Variants in BCAT1 observed in about 807,000 individuals in gnomAD.
BCAT1 encodes branched chain amino acid transaminase 1, also known as branched-chain-amino-acid aminotransferase, cytosolic.
Under a neutral mutation model 52.4 loss-of-function variants are expected in BCAT1, and 48 were observed. The ratio of observed to expected loss-of-function variants is 0.92; its 90% CI spans 0.73 to 1.16. The LOEUF is 1.16. Among genes scored for constraint, BCAT1 ranks in the 50% most tolerant of loss-of-function variants. The probability of loss-of-function intolerance (pLI) is 0.00; values close to 1 mark genes in which losing one functional copy is unlikely to be tolerated. For missense variants in BCAT1, 451 were observed against 457.1 expected (o/e 0.99, Z 0.12); for synonymous variants, 167 against 161.3 (o/e 1.04, Z -0.27).
rs1939907168 is a variant in BCAT1 at position 24,817,173 on chromosome 12, T to C, written c.*835A>G. On this transcript the variant is annotated 3_prime_UTR_variant, in exon 11 of 11. Transcript: ENST00000261192. Reference sequence around the variant, plus strand: ...ATAAAGACAATATAAGGTAAATCTATACACTGTCAGAATCAATCACAAATT... The same window carrying C: ...ATAAAGACAATATAAGGTAAATCTACACACTGTCAGAATCAATCACAAATT... 1 of 152,232 alleles carries C rather than the reference T, an allele frequency of 6.6e-6. No homozygotes were observed. Among genetic ancestry groups the C allele is most frequent in the South Asian group, 2.1e-4 (1 of 4,824 alleles). The allele number at this position is 152,232 out of a possible 1,614,324, so 9.4% of individuals were successfully genotyped here.
intron 3 of BCAT1, among the ~76,000 whole-genome samples, chr12:24,886,592 A>G (rs958590216): frequency 2.0e-5 from 3 of 152,216 alleles, no homozygotes; most frequent in African/African-American, 7.2e-5. Flanking sequence ...TGACATTGCT[A>G]TTTTATCACA....
At chr12:24,843,786 G>A (rs1362027477) in intron 6 of BCAT1, among the ~76,000 whole-genome samples, 1 of 152,106 alleles carries the variant, frequency 6.6e-6, no homozygotes, top group Admixed American at 6.5e-5. Context: ...TTGCCCTGCT[G>A]CAGCTGAGTT....
intron 1 of BCAT1, chr12:24,902,638 C>T (rs1943138895): frequency 4.3e-6 from 2 of 460,606 alleles, no homozygotes; most frequent in Non-Finnish European, 7.3e-6. Context: ...CCGCCTCCTC[C>T]CTCAGAGCGA....
intron 8 of BCAT1, chr12:24,834,347 C>A (rs11047674): frequency 0.17 from 165,194 of 984,590 alleles, 14,578 homozygotes; most frequent in Middle Eastern, 0.2. Flanking sequence ...GTGGTATAAC[C>A]TCATTGACTT....
At chr12:24,917,192 G>A (rs1591873898) in intron 1 of BCAT1, among the ~76,000 whole-genome samples, 1 of 137,696 alleles carries the variant, frequency 7.3e-6, no homozygotes, top group Non-Finnish European at 1.5e-5. Flanking sequence ...TTAGAGCTTT[G>A]GACTTTTTTT....
intron 10 of BCAT1, among the ~76,000 whole-genome samples, chr12:24,820,467 G>C (rs1321226951): frequency 3.3e-5 from 5 of 152,182 alleles, no homozygotes; most frequent in African/African-American, 1.2e-4. Flanking sequence ...AGTATACATA[G>C]AGGGAGGGAA....
At position 24,829,826 on chromosome 12, in the gene BCAT1, G is replaced by T. The variant is rs1381026506; in HGVS notation, c.1116C>A (p.Ile372=). ...ASRILSKLTD[I]QYGREESDWT... ...GAAAAGAAAAGAAAAGCTTTACCTG[G>T]ATATCAGTTAATTTGCTCAAGATGC... Residue 372 remains isoleucine, a synonymous_variant, in exon 10 of 11, where the codon ATC becomes ATA. Transcript: ENST00000261192. The T allele has an allele frequency of 6.2e-7, 1 of 1,605,728 alleles. No individual in the cohort carries two copies. The highest frequency in any genetic ancestry group is 2.2e-5 in the East Asian group (1 of 44,754).
At position 24,907,002 on chromosome 12, in the gene BCAT1, T is replaced by C. The variant is rs77127252; in HGVS notation, c.7-5117A>G. On this transcript the variant is annotated intron_variant, in intron 1 of 10. Transcript: ENST00000261192. ...CTCTTGGTCAAAAAACCTTCAAGGCTTCACATCACCCATTTGACAAAATGA... is the reference window on the plus strand; with the variant it reads ...CTCTTGGTCAAAAAACCTTCAAGGCCTCACATCACCCATTTGACAAAATGA... Among the ~76,000 whole-genome samples, 889 of 152,322 alleles carry C rather than the reference T, an allele frequency of 5.8e-3. 28 individuals are homozygous for C. The East Asian group carries it at 0.068, about 12-fold the overall frequency.
chr12:24,949,067 AGGC>A lies in BCAT1; in HGVS notation c.-138_-136del. 1 of 856,882 alleles carries A rather than the reference AGGC, an allele frequency of 1.2e-6. No individual in the cohort carries two copies. Among genetic ancestry groups the A allele is most frequent in the Non-Finnish European group, 1.8e-6 (1 of 553,038 alleles). The allele number at this position is 856,882 out of a possible 1,614,324, so 53.1% of individuals were successfully genotyped here. ...GCAGCAAGACCTGGGGCAGTGCCCG[AGGC>A]GGCGGCGAGTACACGTGGCGGGCTG... On this transcript the variant is annotated 5_prime_UTR_variant, in exon 1 of 11. Coordinates refer to ENST00000261192, the MANE Select transcript of BCAT1 (RefSeq NM_005504.7).
chr12:24,947,167 C>CCACACACACACA lies in BCAT1; in HGVS notation c.6+1748_6+1759dup, dbSNP rs57265449. The stretch of plus-strand genomic sequence containing the variant: ...CCCCACTAGGCCTCCCGTCTTCCCT[C>CCACACACACACA]CACACACACACACACACACACACAC... On this transcript the variant is annotated intron_variant, in intron 1 of 10. Coordinates refer to ENST00000261192, the MANE Select transcript of BCAT1 (RefSeq NM_005504.7). Among the ~76,000 whole-genome samples, 15 of 141,244 alleles carry CCACACACACACA rather than the reference C, an allele frequency of 1.1e-4. No homozygotes were observed. In the South Asian group the frequency reaches 1.4e-3, roughly 13 times the overall value. 92.7% of individuals were successfully genotyped at this position (141,244 alleles called of 152,430 possible).
Position 24,849,823 on chromosome 12 carries a change from C to T in BCAT1, c.637G>A (p.Ala213Thr), listed in dbSNP as rs756333156. The change falls in exon 6 of 11, where the codon GCC becomes ACC. Residue 213 changes from alanine (A) to threonine (T), a missense_variant. Physicochemically the swap from Ala to Thr is moderately conservative, Grantham distance 58. Coordinates refer to ENST00000261192, the MANE Select transcript of BCAT1 (RefSeq NM_005504.7). ...SLWANPKYVRAWKGGTGDCKM... is the reference protein window; with the variant it reads ...SLWANPKYVRTWKGGTGDCKM... ...CAGTCCCCAGTTCCACCTTTCCAGGCTCTTACATACTTGGGATTGGCCCAC... is the reference window on the plus strand; with the variant it reads ...CAGTCCCCAGTTCCACCTTTCCAGGTTCTTACATACTTGGGATTGGCCCAC... 9 of 1,613,512 alleles carry T rather than the reference C, an allele frequency of 5.6e-6. No individual in the cohort carries two copies. Among genetic ancestry groups the T allele is most frequent in the Non-Finnish European group, 7.6e-6 (9 of 1,179,564 alleles).
rs1178549400 is a variant in BCAT1, at chr12:24,815,661, G to A, written c.*2347C>T. ...ATTACTTAAATGACAATGGTGGATT[G>A]TGTTCTCCTTATCAGGAGACCTCCA... On this transcript the variant is annotated 3_prime_UTR_variant, in exon 11 of 11. Transcript: ENST00000261192. The A allele has an allele frequency of 6.6e-6, 1 of 152,146 alleles. No homozygotes were observed. The highest frequency in any genetic ancestry group is 1.5e-5 in the Non-Finnish European group (1 of 68,016). 9.4% of individuals were successfully genotyped at this position (152,146 alleles called of 1,614,324 possible).
Position 24,812,123 on chromosome 12 carries a change from A to T in BCAT1, c.*5885T>A, listed in dbSNP as rs1939706377. ...ATCTGCACTCTTCAAAAACTTATTG[A>T]TGAAGTACAAATTGAGGCAGAAATT... On this transcript the variant is annotated 3_prime_UTR_variant, in exon 11 of 11. Coordinates refer to ENST00000261192, the MANE Select transcript of BCAT1 (RefSeq NM_005504.7). 6.6e-6 allele frequency: 1 copy of T among 152,124 alleles called. No individual in the cohort carries two copies. The highest frequency in any genetic ancestry group is 2.1e-4 in the South Asian group (1 of 4,836). The allele number at this position is 152,124 out of a possible 1,614,324, so 9.4% of individuals were successfully genotyped here. A position where few individuals can be genotyped will look rare whatever the true frequency, so the allele number is the denominator to read the frequency against.
chr12:24,915,009 A>ATCCCACAAAGATATTATTAT (rs1943386699), intron 1 of BCAT1, among the ~76,000 whole-genome samples: 2 of 152,190 alleles, frequency 1.3e-5, no homozygotes, highest in Non-Finnish European at 2.9e-5. Flanking sequence ...CCCAACTTTT[A>ATCCCACAAAGATATTATTAT]CCCACAAAGA....
chr12:24,894,537 T>C lies in BCAT1; in HGVS notation c.79-62A>G, dbSNP rs991342333. 1.6e-5 allele frequency: 21 copies of C among 1,335,248 alleles called. No homozygotes were observed. The African/African-American group carries it at 2.6e-4, about 16-fold the overall frequency. The allele number at this position is 1,335,248 out of a possible 1,614,324, so 82.7% of individuals were successfully genotyped here. Reference sequence around the variant, plus strand: ...TACTGAGCATTCGCTGGCTAGATTATACAGAGGGGAAAAAAAAAAAGGAAA... The same window carrying C: ...TACTGAGCATTCGCTGGCTAGATTACACAGAGGGGAAAAAAAAAAAGGAAA... On this transcript the variant is annotated intron_variant, in intron 2 of 10. Coordinates refer to ENST00000261192, the MANE Select transcript of BCAT1 (RefSeq NM_005504.7).
chr12:24,811,231 T>C lies in BCAT1; in HGVS notation c.*6777A>G, dbSNP rs1440801163. Reference sequence around the variant, plus strand: ...TTTCTGGTGTGCTCAATTCTCTCTGTGTCATTTTGGTGTAAAAATACTATC... The same window carrying C: ...TTTCTGGTGTGCTCAATTCTCTCTGCGTCATTTTGGTGTAAAAATACTATC... On this transcript the variant is annotated 3_prime_UTR_variant, in exon 11 of 11. Transcript: ENST00000261192. 2 of 152,196 alleles carry C rather than the reference T, an allele frequency of 1.3e-5. No homozygotes were observed. Among genetic ancestry groups the C allele is most frequent in the African/African-American group, 4.8e-5 (2 of 41,460 alleles). The allele number at this position is 152,196 out of a possible 1,614,324, so 9.4% of individuals were successfully genotyped here.
At chr12:24,862,246 T>A (rs181893045) in intron 5 of BCAT1, among the ~76,000 whole-genome samples, 12 of 152,334 alleles carry the variant, frequency 7.9e-5, no homozygotes, top group African/African-American at 2.9e-4. Flanking sequence ...AATTCTTTCT[T>A]GTGTGAGATC....
intron 10 of BCAT1, among the ~76,000 whole-genome samples, chr12:24,819,809 T>A (rs1940040894): frequency 6.6e-6 from 1 of 152,156 alleles, no homozygotes; most frequent in Admixed American, 6.5e-5. Flanking sequence ...TGACTGTAAG[T>A]TTCTTGCATA....
intron 1 of BCAT1, among the ~76,000 whole-genome samples, chr12:24,946,583 TAGTC>T (rs1249025189): frequency 5.3e-5 from 8 of 152,232 alleles, no homozygotes; most frequent in African/African-American, 1.2e-4. Flanking sequence ...GTGAGGCAGT[TAGTC>T]AGGAACAAAA....
Sources: gnomAD v4.1 joint callset for allele counts (sites outside exome capture counted in the v4.1 genomes callset) on GRCh38, gnomAD v4.1.1 for gene constraint, MANE v1.5 for transcripts, NCBI Gene and HGNC (gene_info 2026-07-23, HGNC 2026-07-21) for gene names.